RNF144B: variants seen among roughly 807,000 people sequenced by gnomAD.
The protein encoded by RNF144B is E3 ubiquitin-protein ligase RNF144B.
RNF144B carries 25 observed loss-of-function variants against 40.2 expected under a neutral mutation model. The observed-to-expected ratio is 0.62, with a 90% confidence interval of 0.45 to 0.87. RNF144B has a LOEUF of 0.87. RNF144B is among the 40% of genes least tolerant of loss of function. The probability of loss-of-function intolerance (pLI) is 0.00; values close to 1 mark genes in which losing one functional copy is unlikely to be tolerated. For missense variants in RNF144B, 365 were observed against 373.7 expected (o/e 0.98, Z 0.19); for synonymous variants, 145 against 136.3 (o/e 1.06, Z -0.44).
At chr6:18,445,253 G>T (rs545715032) in intron 4 of RNF144B, among the ~76,000 whole-genome samples, 22 of 152,296 alleles carry the variant, frequency 1.4e-4, no homozygotes, top group African/African-American at 4.8e-4. Context: ...CTAGGACAGA[G>T]AATATACAAC....
At chr6:18,424,871 G>T (rs1025695393) in intron 2 of RNF144B, among the ~76,000 whole-genome samples, 1 of 152,188 alleles carries the variant, frequency 6.6e-6, no homozygotes, top group African/African-American at 2.4e-5. Context: ...GGTTTAACTG[G>T]TGCTTTGCAG....
rs1759424040 is a variant in RNF144B at position 18,460,355 on chromosome 6, A to G, written c.681+604A>G. Among the ~76,000 whole-genome samples, 1 of 152,140 alleles carries G rather than the reference A, an allele frequency of 6.6e-6. No homozygotes were observed. The highest frequency in any genetic ancestry group is 6.5e-5 in the Admixed American group (1 of 15,272). On this transcript the variant is annotated intron_variant, in intron 6 of 7. Coordinates refer to ENST00000259939, the MANE Select transcript of RNF144B (RefSeq NM_182757.4). The surrounding 1 kb of genome is among the most constrained non-coding windows in gnomAD (Gnocchi z 4.4). ...GAAAGGTTCTCTGCCTGAAGGACCA[A>G]TGTGATGAGATTGGGCCCATCAGGA...
Position 18,457,379 on chromosome 6 carries a change from C to T in RNF144B, c.536+20C>T. The T allele has an allele frequency of 6.3e-7, 1 of 1,582,702 alleles. No homozygotes were observed. The highest frequency in any genetic ancestry group is 8.7e-7 in the Non-Finnish European group (1 of 1,151,366). ...GCACCGGTAAGAAAGGAAACTTTGT[C>T]TTTGGGATTATTCACTAGTTTTCTT... On this transcript the variant is annotated intron_variant, in intron 5 of 7. Transcript: ENST00000259939. This position sits in a 1 kb window ranked among gnomAD's most constrained non-coding sequence, Gnocchi z 5.1.
rs933678868 is a variant in RNF144B, at chr6:18,464,339, C to T, written c.772-588C>T. Among the ~76,000 whole-genome samples the T allele has an allele frequency of 2.2e-4, 33 of 152,224 alleles. No homozygotes were observed. The highest frequency in any genetic ancestry group is 7.9e-4 in the African/African-American group (33 of 41,528). ...ATAATTCATGACTATACTGAGCTTG[C>T]GACAGCTTGAGTTAGCATTTGGATG... On this transcript the variant is annotated intron_variant, in intron 7 of 7. Transcript: ENST00000259939. The surrounding 1 kb of genome is among the most constrained non-coding windows in gnomAD (Gnocchi z 6.1).
At position 18,431,480 on chromosome 6, in the gene RNF144B, G is replaced by A. The variant is rs560327065; in HGVS notation, c.270+3795G>A. Among the ~76,000 whole-genome samples the A allele has an allele frequency of 2.6e-5, 4 of 152,192 alleles. No homozygotes were observed. In the South Asian group the frequency reaches 8.3e-4, roughly 32 times the overall value. On this transcript the variant is annotated intron_variant, in intron 3 of 7. Coordinates refer to ENST00000259939, the MANE Select transcript of RNF144B (RefSeq NM_182757.4). ...ACTTGCTTTAGATCAAGATTTTATT[G>A]CATACAGTTATAACATGTGGCTTAT... is the stretch of plus-strand genomic sequence containing the variant.
Position 18,442,728 on chromosome 6 carries a change from A to G in RNF144B, c.331+2984A>G, listed in dbSNP as rs146619830. ...ATTCCTCCTCCCTGAAACCCCTAGT[A>G]ACCTCTAATCCACTTTCTCTTATTT... On this transcript the variant is annotated intron_variant, in intron 4 of 7. Transcript: ENST00000259939. This position sits in a 1 kb window ranked among gnomAD's most constrained non-coding sequence, Gnocchi z 4.3. Among the ~76,000 whole-genome samples the G allele has an allele frequency of 6.7e-3, 1,014 of 152,272 alleles. 7 individuals carry two copies. The highest frequency in any genetic ancestry group is 0.011 in the Non-Finnish European group (726 of 68,008).
chr6:18,421,446 T>C (rs936803442), intron 2 of RNF144B, among the ~76,000 whole-genome samples: 2 of 152,288 alleles, frequency 1.3e-5, no homozygotes, highest in Admixed American at 1.3e-4. Flanking sequence ...GACTAAGTGG[T>C]AATTCAGTGA....
Position 18,460,756 on chromosome 6 carries a change from A to C in RNF144B, c.681+1005A>C, listed in dbSNP as rs997425167. Among the ~76,000 whole-genome samples the C allele has an allele frequency of 2.0e-5, 3 of 152,138 alleles. No individual in the cohort carries two copies. The highest frequency in any genetic ancestry group is 4.4e-5 in the Non-Finnish European group (3 of 68,026). Reference sequence around the variant, plus strand: ...TGAATCAAGTCTCAAATTGAGGTGCAGTTTTATTCAGCCCTGTGCCAAGGC... The same window carrying C: ...TGAATCAAGTCTCAAATTGAGGTGCCGTTTTATTCAGCCCTGTGCCAAGGC... On this transcript the variant is annotated intron_variant, in intron 6 of 7. Coordinates refer to ENST00000259939, the MANE Select transcript of RNF144B (RefSeq NM_182757.4). The surrounding 1 kb of genome is among the most constrained non-coding windows in gnomAD (Gnocchi z 4.4).
At chr6:18,463,687 A>G (rs574545844) in intron 7 of RNF144B, among the ~76,000 whole-genome samples, 1 of 152,340 alleles carries the variant, frequency 6.6e-6, no homozygotes, top group South Asian at 2.1e-4. Context: ...ACTTTCCTAA[A>G]GCCCTTTAAG....
At chr6:18,387,784 GAATGCCT>G in intron 1 of RNF144B, among the ~76,000 whole-genome samples, 154 bp downstream of exon 1, 1 of 152,314 alleles carries the variant, frequency 6.6e-6, no homozygotes, top group Non-Finnish European at 1.5e-5. Context: ...AATTCATTCT[GAATGCCT>G]TAAACACCTG....
intron 1 of RNF144B, chr6:18,396,893 A>T (rs188768938): frequency 1.1e-6 from 1 of 871,844 alleles, no homozygotes; most frequent in South Asian, 5.2e-5. Context: ...AAAATCCTGA[A>T]TTTGACGTGC....
rs1042224122 is a variant in RNF144B, at chr6:18,405,601, A to T, written c.165+5902A>T. Among the ~76,000 whole-genome samples the T allele has an allele frequency of 1.3e-5, 2 of 152,236 alleles. No individual in the cohort carries two copies. The highest frequency in any genetic ancestry group is 2.1e-4 in the South Asian group (1 of 4,830). ...CTTATATCCATTAAGAGATTTAATG[A>T]CAATACTATGGTGACTTTTGTATTT... On this transcript the variant is annotated intron_variant, in intron 2 of 7. Coordinates refer to ENST00000259939, the MANE Select transcript of RNF144B (RefSeq NM_182757.4). The surrounding 1 kb of genome is among the most constrained non-coding windows in gnomAD (Gnocchi z 4.5).
rs4716243 is a variant in RNF144B, at chr6:18,410,550, G to A, written c.165+10851G>A. ...GGGAAAAGAGGCCAGCCACATGTGA[G>A]AACACAGAATCAGGGAAGAGTGACC... On this transcript the variant is annotated intron_variant, in intron 2 of 7. Transcript: ENST00000259939. This position sits in a 1 kb window ranked among gnomAD's most constrained non-coding sequence, Gnocchi z 4.6. 3.3e-5 allele frequency among the ~76,000 whole-genome samples: 5 copies of A among 152,076 alleles called. No individual in the cohort carries two copies. Among genetic ancestry groups the A allele is most frequent in the African/African-American group, 4.8e-5 (2 of 41,404 alleles).
chr6:18,454,645 G>A (rs1282729013), intron 4 of RNF144B, among the ~76,000 whole-genome samples: 1 of 152,134 alleles, frequency 6.6e-6, no homozygotes, highest in Non-Finnish European at 1.5e-5. Context: ...CTCTTTCCTT[G>A]CTTTCAACGG....
intron 4 of RNF144B, among the ~76,000 whole-genome samples, chr6:18,445,066 T>C (rs1483372668): frequency 6.6e-6 from 1 of 151,198 alleles, no homozygotes; most frequent in Non-Finnish European, 1.5e-5. Flanking sequence ...TTAAGTACTT[T>C]ATTGTCTGCT....
chr6:18,455,718 C>G (rs1759308315), intron 4 of RNF144B, among the ~76,000 whole-genome samples: 7 of 152,032 alleles, frequency 4.6e-5, no homozygotes, highest in Admixed American at 4.6e-4. Flanking sequence ...GGGTCTGCTA[C>G]TGAATAAAAA....
At chr6:18,431,443 C>A (rs1374831947) in intron 3 of RNF144B, among the ~76,000 whole-genome samples, 1 of 152,110 alleles carries the variant, frequency 6.6e-6, no homozygotes, top group Non-Finnish European at 1.5e-5. Context: ...GACTGTACCA[C>A]CTTCATTTCT....
rs1759124082 is a variant in RNF144B, at chr6:18,448,126, T to G, written c.331+8382T>G. 6.6e-6 allele frequency among the ~76,000 whole-genome samples: 1 copy of G among 152,150 alleles called. No individual in the cohort carries two copies. Among genetic ancestry groups the G allele is most frequent in the Non-Finnish European group, 1.5e-5 (1 of 68,022 alleles). ...AAATGGGTGCAGTGAATATATTAAC[T>G]CTTTCAAGGAGTGTTTTTTGTTTTG... On this transcript the variant is annotated intron_variant, in intron 4 of 7. Transcript: ENST00000259939. The surrounding 1 kb of genome is among the most constrained non-coding windows in gnomAD (Gnocchi z 4.0).
In RNF144B at chr6:18,468,800, AT is replaced by A. The variant is rs1394446760; in HGVS notation, c.*3734del. 1 of 152,170 alleles carries A rather than the reference AT, an allele frequency of 6.6e-6. No homozygotes were observed. Among genetic ancestry groups the A allele is most frequent in the Non-Finnish European group, 1.5e-5 (1 of 68,010 alleles). The allele number at this position is 152,170 out of a possible 1,614,324, so 9.4% of individuals were successfully genotyped here. A position where few individuals can be genotyped will look rare whatever the true frequency, so the allele number is the denominator to read the frequency against. On this transcript the variant is annotated 3_prime_UTR_variant, in exon 8 of 8. Coordinates refer to ENST00000259939, the MANE Select transcript of RNF144B (RefSeq NM_182757.4). Reference sequence around the variant, plus strand: ...GTATTTAAAAAATTGCTATCGTGTTATATTTTTCCAATTTTTGGAGAAGAAA... The same window carrying A: ...GTATTTAAAAAATTGCTATCGTGTTAATTTTTCCAATTTTTGGAGAAGAAA...
Sources: allele counts gnomAD v4.1 joint callset (sites outside exome capture counted in the v4.1 genomes callset), GRCh38; gene constraint gnomAD v4.1.1; non-coding constraint Gnocchi (gnomAD v3.1); transcripts MANE v1.5; gene names NCBI Gene and HGNC (gene_info 2026-07-23, HGNC 2026-07-21).